Variants in GNG12 observed in about 807,000 individuals in gnomAD.
GNG12 encodes the protein guanine nucleotide-binding protein G(I)/G(S)/G(O) subunit gamma-12.
For missense variants in GNG12, 69 were observed against 83.8 expected, an observed-to-expected ratio of 0.82 and a Z score of 0.69; for synonymous variants, 28 against 29.7, an observed-to-expected ratio of 0.94 and a Z score of 0.19.
chr1:67,719,255 C>G (rs906519297), intron 2 of GNG12, among the ~76,000 whole-genome samples: 2 of 152,180 alleles, frequency 1.3e-5, no homozygotes, highest in Non-Finnish European at 2.9e-5. Context: ...TTTGTAGGCC[C>G]TAGTTCACAT....
At chr1:67,746,308 C>A (rs896781181) in intron 2 of GNG12, among the ~76,000 whole-genome samples, 1 of 152,192 alleles carries the variant, frequency 6.6e-6, no homozygotes, top group Admixed American at 6.5e-5. Context: ...TTGATTCCTG[C>A]AAGAATAAAG....
At chr1:67,709,904 TTA>T (rs1553153920) in intron 2 of GNG12, among the ~76,000 whole-genome samples, 7 of 66,660 alleles carry the variant, frequency 1.1e-4, no homozygotes, top group Admixed American at 8.9e-4. Context: ...ATATATATTT[TTA>T]TATAGTTATA....
chr1:67,786,710 T>C (rs1379432241), intron 1 of GNG12, among the ~76,000 whole-genome samples: 1 of 151,948 alleles, frequency 6.6e-6, no homozygotes, highest in African/African-American at 2.4e-5. Context: ...TCACTTGAGG[T>C]CAGGGGTTCG....
At chr1:67,794,397 AGT>A (rs988199657) in intron 1 of GNG12, among the ~76,000 whole-genome samples, 2 of 152,204 alleles carry the variant, frequency 1.3e-5, no homozygotes, top group Admixed American at 1.3e-4. Context: ...AGCCAGGGGT[AGT>A]GTGATCCATG....
At chr1:67,800,011 T>C (rs552820067) in intron 1 of GNG12, among the ~76,000 whole-genome samples, 1 of 152,318 alleles carries the variant, frequency 6.6e-6, no homozygotes, top group African/African-American at 2.4e-5. Flanking sequence ...GTGGATATTC[T>C]TCTTTGAAAC....
chr1:67,735,933 A>G (rs1646449952), intron 2 of GNG12, among the ~76,000 whole-genome samples: 1 of 152,210 alleles, frequency 6.6e-6, no homozygotes. Flanking sequence ...AATGAAAGAC[A>G]GGGCTGATTT....
intron 2 of GNG12, among the ~76,000 whole-genome samples, chr1:67,772,350 T>TTCC (rs1362301995): frequency 6.6e-6 from 1 of 152,180 alleles, no homozygotes; most frequent in African/African-American, 2.4e-5. Flanking sequence ...TCTCCACATG[T>TTCC]TCCTTATTGG....
intron 1 of GNG12, among the ~76,000 whole-genome samples, chr1:67,791,642 C>T (rs1026295151): frequency 6.6e-6 from 1 of 152,144 alleles, no homozygotes; most frequent in Non-Finnish European, 1.5e-5. Context: ...GTCAGCCCTA[C>T]CTTCAAAATA....
chr1:67,738,083 G>T (rs77025841), intron 2 of GNG12, among the ~76,000 whole-genome samples: 3,632 of 151,950 alleles, frequency 0.024, 157 homozygotes, highest in African/African-American at 0.084. Context: ...ACAGGTGTGC[G>T]CCACCATGTC....
intron 1 of GNG12, among the ~76,000 whole-genome samples, chr1:67,820,305 C>T (rs1359392853): frequency 1.3e-5 from 2 of 151,530 alleles, no homozygotes; most frequent in Admixed American, 6.6e-5. Context: ...AGGAGAATTG[C>T]TTGAACCCGG....
chr1:67,705,680 C>G, intron 3 of GNG12, 104 bp from the exon 4 acceptor site: 1 of 1,412,610 alleles, frequency 7.1e-7, no homozygotes, highest in Non-Finnish European at 9.3e-7. Flanking sequence ...CTGATTTGAA[C>G]AAGATAATCA....
chr1:67,741,576 C>A (rs954258281), intron 2 of GNG12, among the ~76,000 whole-genome samples: 2 of 152,192 alleles, frequency 1.3e-5, no homozygotes, highest in African/African-American at 4.8e-5. Flanking sequence ...TCACCCCAAA[C>A]AGAAACTGAT....
At chr1:67,793,493 T>A (rs1005212847) in intron 1 of GNG12, among the ~76,000 whole-genome samples, 6 of 152,210 alleles carry the variant, frequency 3.9e-5, no homozygotes, top group African/African-American at 1.4e-4. Flanking sequence ...ACGGTAGATA[T>A]CAAATACTAA....
chr1:67,782,657 G>A (rs1646744042), intron 1 of GNG12, among the ~76,000 whole-genome samples: 1 of 152,126 alleles, frequency 6.6e-6, no homozygotes, highest in African/African-American at 2.4e-5. Context: ...GCCAAAGACA[G>A]TATAAATTTT....
At chr1:67,753,172 A>AT (rs1159701298) in intron 2 of GNG12, among the ~76,000 whole-genome samples, 6 of 151,890 alleles carry the variant, frequency 4.0e-5, no homozygotes, top group East Asian at 1.9e-4. Flanking sequence ...TGTTGAAAGA[A>AT]TTTTTTTTTA....
At chr1:67,707,478 A>C in intron 3 of GNG12, 116 bp downstream of exon 3, 2 of 717,588 alleles carry the variant, frequency 2.8e-6, no homozygotes, top group Non-Finnish European at 4.9e-6. Flanking sequence ...CTGTTCTGGA[A>C]AAATCCTGGA....
At chr1:67,741,699 G>C (rs1475206899) in intron 2 of GNG12, among the ~76,000 whole-genome samples, 1 of 152,164 alleles carries the variant, frequency 6.6e-6, no homozygotes, top group African/African-American at 2.4e-5. Context: ...CTCTAGAATT[G>C]GATCAAGGAA....
intron 2 of GNG12, among the ~76,000 whole-genome samples, chr1:67,762,657 G>A (rs566431510): frequency 1.3e-5 from 2 of 152,176 alleles, no homozygotes; most frequent in Admixed American, 6.5e-5. Context: ...TCAGATTTTT[G>A]AGCATTAGCG....
chr1:67,809,885 T>C (rs1209621216), intron 1 of GNG12, among the ~76,000 whole-genome samples: 3 of 152,184 alleles, frequency 2.0e-5, no homozygotes, highest in East Asian at 1.9e-4. Context: ...AAATTAGACA[T>C]AGTTTTAACC....
Sources: allele counts gnomAD v4.1 joint callset (sites outside exome capture counted in the v4.1 genomes callset), GRCh38; gene constraint gnomAD v4.1.1; transcripts MANE v1.5; gene names NCBI Gene and HGNC (gene_info 2026-07-23, HGNC 2026-07-21).